KCND2: variants seen among roughly 807,000 people sequenced by gnomAD.
KCND2 encodes A-type voltage-gated potassium channel KCND2.
In KCND2, 16 loss-of-function variants were observed where a neutral mutation model predicts 54.4. The observed-to-expected ratio is 0.29, with a 90% CI of 0.20 to 0.45. The LOEUF (loss-of-function observed/expected upper bound fraction) is 0.45. Ranked by LOEUF, KCND2 falls within the 20% of genes least tolerant of loss-of-function variation. The pLI, the probability that KCND2 is intolerant of heterozygous loss-of-function variation, is 1.00. For synonymous variants in KCND2, 317 were observed against 310.7 expected, an observed-to-expected ratio of 1.02 and a Z score of -0.21; for missense variants, 486 against 824.2, an observed-to-expected ratio of 0.59 and a Z score of 5.02.
intron 1 of KCND2, among the ~76,000 whole-genome samples, chr7:120,421,435 T>C (rs1156755174): frequency 6.6e-6 from 1 of 152,200 alleles, no homozygotes; most frequent in East Asian, 1.9e-4. Context: ...CACAACACTC[T>C]CTGAAACTCA....
At chr7:120,745,185 A>C (rs889082660) in intron 4 of KCND2, among the ~76,000 whole-genome samples, 16 of 152,268 alleles carry the variant, frequency 1.1e-4, no homozygotes, top group African/African-American at 3.9e-4. Flanking sequence ...TCGGCAGACA[A>C]TTATATTTTA....
intron 1 of KCND2, among the ~76,000 whole-genome samples, chr7:120,679,692 A>G (rs1339991264): frequency 3.9e-5 from 6 of 152,232 alleles, no homozygotes; most frequent in Admixed American, 3.9e-4. Context: ...TGTTGCTTCA[A>G]TAAAAATAAC....
At chr7:120,366,238 A>G (rs1172083103) in intron 1 of KCND2, among the ~76,000 whole-genome samples, 1 of 152,140 alleles carries the variant, frequency 6.6e-6, no homozygotes, top group East Asian at 1.9e-4. Context: ...TAACACCAGC[A>G]CTTTGGGAGT....
Position 120,560,945 on chromosome 7 carries a change from A to G in KCND2, c.1116-171958A>G, listed in dbSNP as rs141208314. ...TTTGACCAAGGTACCAAAATGTCCA[A>G]TTGTTATACTGAATGTTGATTAGTC... On this transcript the variant is annotated intron_variant, in intron 1 of 5. Coordinates refer to ENST00000331113, the MANE Select transcript of KCND2 (RefSeq NM_012281.3). Among the ~76,000 whole-genome samples the G allele has an allele frequency of 6.5e-3, 997 of 152,330 alleles. 5 individuals carry two copies. Among genetic ancestry groups the G allele is most frequent in the Admixed American group, 0.011 (174 of 15,294 alleles).
chr7:120,475,573 C>G (rs1031813520), intron 1 of KCND2, among the ~76,000 whole-genome samples: 18 of 152,144 alleles, frequency 1.2e-4, no homozygotes, highest in Non-Finnish European at 2.2e-4. Context: ...CTCTGTTTTA[C>G]AGACGAAAAC....
intron 1 of KCND2, among the ~76,000 whole-genome samples, chr7:120,564,804 C>T (rs1792276640): frequency 6.6e-6 from 1 of 152,112 alleles, no homozygotes; most frequent in African/African-American, 2.4e-5. Context: ...AATTCTGAGT[C>T]AGTACTCTGG....
At chr7:120,652,068 C>CT (rs1791741650) in intron 1 of KCND2, among the ~76,000 whole-genome samples, 1 of 150,174 alleles carries the variant, frequency 6.7e-6, no homozygotes, top group Admixed American at 6.6e-5. Flanking sequence ...CAGTCTATCT[C>CT]TATCTTTTTT....
intron 1 of KCND2, among the ~76,000 whole-genome samples, chr7:120,326,375 G>A (rs1304328859): frequency 1.3e-5 from 2 of 151,956 alleles, no homozygotes; most frequent in Non-Finnish European, 2.9e-5. Flanking sequence ...AAACAAACAG[G>A]CAGACATTTC....
At chr7:120,457,318 G>GA (rs1192640928) in intron 1 of KCND2, among the ~76,000 whole-genome samples, 2 of 152,244 alleles carry the variant, frequency 1.3e-5, no homozygotes, top group Non-Finnish European at 2.9e-5. Flanking sequence ...TTTCTTCCCA[G>GA]AAAATGGGTT....
At chr7:120,537,762 T>C (rs1299577838) in intron 1 of KCND2, among the ~76,000 whole-genome samples, 1 of 152,180 alleles carries the variant, frequency 6.6e-6, no homozygotes, top group Non-Finnish European at 1.5e-5. Flanking sequence ...AGCTTCAAAT[T>C]TGTCTTCTGC....
intron 1 of KCND2, among the ~76,000 whole-genome samples, chr7:120,580,230 A>G (rs567658611): frequency 2.4e-4 from 36 of 152,246 alleles, no homozygotes; most frequent in Non-Finnish European, 4.4e-4. Flanking sequence ...TAAGAAAGAC[A>G]CTAAATGGAA....
At chr7:120,569,023 A>G (rs1283552300) in intron 1 of KCND2, among the ~76,000 whole-genome samples, 1 of 152,112 alleles carries the variant, frequency 6.6e-6, no homozygotes, top group Non-Finnish European at 1.5e-5. Context: ...CAAAGGGTAA[A>G]CAAACAGGAG....
intron 1 of KCND2, among the ~76,000 whole-genome samples, chr7:120,340,641 A>G (rs747504131): frequency 6.6e-6 from 1 of 152,204 alleles, no homozygotes; most frequent in Non-Finnish European, 1.5e-5. Context: ...TAAGCCAAGT[A>G]TGGTAAGAAT....
intron 1 of KCND2, among the ~76,000 whole-genome samples, chr7:120,391,760 GTTGT>G (rs1223455538): frequency 2.0e-5 from 3 of 151,944 alleles, no homozygotes; most frequent in African/African-American, 4.8e-5. Flanking sequence ...TTTTGATGTG[GTTGT>G]TTGTTTTTTT....
At chr7:120,526,598 T>A (rs761196326) in intron 1 of KCND2, among the ~76,000 whole-genome samples, 3 of 152,278 alleles carry the variant, frequency 2.0e-5, no homozygotes, top group South Asian at 2.1e-4. Context: ...TCTGTTGATT[T>A]ATTTTTTAAC....
At chr7:120,700,829 A>C (rs1792392007) in intron 1 of KCND2, among the ~76,000 whole-genome samples, 1 of 152,222 alleles carries the variant, frequency 6.6e-6, no homozygotes, top group Non-Finnish European at 1.5e-5. Context: ...GTAATGCTAA[A>C]AAATGTCTGT....
At chr7:120,619,739 G>T (rs1384614313) in intron 1 of KCND2, among the ~76,000 whole-genome samples, 1 of 152,178 alleles carries the variant, frequency 6.6e-6, no homozygotes, top group Non-Finnish European at 1.5e-5. Context: ...CAACGGAAAT[G>T]AAACAACCAG....
At chr7:120,555,821 G>A (rs899494197) in intron 1 of KCND2, among the ~76,000 whole-genome samples, 3 of 152,140 alleles carry the variant, frequency 2.0e-5, no homozygotes, top group African/African-American at 7.2e-5. Flanking sequence ...CTATACTACA[G>A]CACAGAGTTG....
Position 120,361,677 on chromosome 7 carries a change from G to A in KCND2, c.1115+85930G>A, listed in dbSNP as rs146699053. 3.3e-5 allele frequency among the ~76,000 whole-genome samples: 5 copies of A among 152,148 alleles called. No individual in the cohort carries two copies. The East Asian group carries it at 5.8e-4, about 18-fold the overall frequency. On this transcript the variant is annotated intron_variant, in intron 1 of 5. Coordinates refer to ENST00000331113, the MANE Select transcript of KCND2 (RefSeq NM_012281.3). ...ATAGAACTTTGAAAAGCAGAAAGGC[G>A]AAGGCAGAGTGTTTAAATGTACAGC...
Sources: allele counts gnomAD v4.1 joint callset (sites outside exome capture counted in the v4.1 genomes callset), GRCh38; gene constraint gnomAD v4.1.1; transcripts MANE v1.5; gene names NCBI Gene and HGNC (gene_info 2026-07-23, HGNC 2026-07-21).